The following MGMT variants were observed in gnomAD, a reference collection of about 807,000 sequenced individuals.
The protein encoded by MGMT is O-6-methylguanine-DNA methyltransferase.
Under a neutral mutation model 15.9 loss-of-function variants are expected in MGMT, and 14 were observed. The ratio of observed to expected loss-of-function variants is 0.88; its 90% CI spans 0.58 to 1.37. The LOEUF is 1.37. MGMT is among the 40% of genes most tolerant of loss of function. The pLI, the probability that MGMT is intolerant of heterozygous loss-of-function variation, is 0.00. For synonymous variants in MGMT, 130 were observed against 118.2 expected (o/e 1.10, Z -0.65); for missense variants, 282 against 268.1 (o/e 1.05, Z -0.36).
intron 2 of MGMT, among the ~76,000 whole-genome samples, chr10:129,551,697 T>C (rs1846158833): frequency 6.6e-6 from 1 of 152,178 alleles, no homozygotes; most frequent in South Asian, 2.1e-4. Context: ...TACTCTCTTA[T>C]TTATTTATTT....
intron 2 of MGMT, among the ~76,000 whole-genome samples, chr10:129,621,335 A>G (rs375224997): frequency 5.9e-5 from 9 of 152,234 alleles, no homozygotes; most frequent in African/African-American, 1.9e-4. Flanking sequence ...TTACTTCTAC[A>G]TGTTATAGAC....
chr10:129,536,567 G>T (rs1845987561), intron 2 of MGMT, 190 bp downstream of exon 2: 2 of 628,678 alleles, frequency 3.2e-6, no homozygotes, highest in Admixed American at 3.4e-5. Flanking sequence ...CCTGTGTGTT[G>T]CCCAGGAGCT....
intron 2 of MGMT, among the ~76,000 whole-genome samples, chr10:129,601,046 A>G (rs892919790): frequency 6.6e-6 from 1 of 151,638 alleles, no homozygotes; most frequent in Admixed American, 6.6e-5. Context: ...AGTAGCCTCC[A>G]TATGCCTTTC....
chr10:129,602,317 T>A (rs184484070), intron 2 of MGMT, among the ~76,000 whole-genome samples: 1 of 152,136 alleles, frequency 6.6e-6, no homozygotes, highest in African/African-American at 2.4e-5. Flanking sequence ...TCCTGAAATC[T>A]CCAAGCGAGG....
chr10:129,688,261 G>GC lies in MGMT; in HGVS notation c.126-19632dup, dbSNP rs527542807. On this transcript the variant is annotated intron_variant, in intron 2 of 4. Transcript: ENST00000651593. ...TCTAGTTCTAGATCCTTGAGGAATCGCCACACTGACTTCCACAATGGTTGA... is the reference window on the plus strand; with the variant it reads ...TCTAGTTCTAGATCCTTGAGGAATCGCCCACACTGACTTCCACAATGGTTGA... Among the ~76,000 whole-genome samples the GC allele has an allele frequency of 4.2e-3, 636 of 152,276 alleles. 6 individuals carry two copies. Among genetic ancestry groups the GC allele is most frequent in the African/African-American group, 0.015 (618 of 41,554 alleles).
At chr10:129,589,902 C>G (rs1003008510) in intron 2 of MGMT, among the ~76,000 whole-genome samples, 1 of 152,320 alleles carries the variant, frequency 6.6e-6, no homozygotes, top group Admixed American at 6.5e-5. Context: ...AGGCAGAGGA[C>G]GTGGGATCTG....
intron 3 of MGMT, chr10:129,715,507 A>T (rs561138816): frequency 1.3e-5 from 2 of 152,210 alleles, no homozygotes; most frequent in East Asian, 3.8e-4. Context: ...CTAAATTTCT[A>T]TTTCCACTGT....
chr10:129,503,121 T>TA (rs1554904220), intron 1 of MGMT, among the ~76,000 whole-genome samples: 11 of 151,828 alleles, frequency 7.2e-5, no homozygotes, highest in Non-Finnish European at 1.0e-4. Context: ...TTTTTTTTAT[T>TA]ATTATCCTCC....
At chr10:129,697,755 C>T (rs546013924) in intron 2 of MGMT, among the ~76,000 whole-genome samples, 1 of 152,318 alleles carries the variant, frequency 6.6e-6, no homozygotes, top group African/African-American at 2.4e-5. Flanking sequence ...CTTCTGGAGT[C>T]AGCCACCTTG....
At chr10:129,655,465 G>A (rs530574147) in intron 2 of MGMT, among the ~76,000 whole-genome samples, 2 of 152,144 alleles carry the variant, frequency 1.3e-5, no homozygotes, top group Non-Finnish European at 2.9e-5. Flanking sequence ...GCCTCATCCC[G>A]GAAGCTGGTG....
rs963468639 is a variant in MGMT at position 129,566,689 on chromosome 10, C to T, written c.125+30312C>T. The stretch of plus-strand genomic sequence containing the variant: ...TTGGCTGGATCTCGTTGAAGGCCTG[C>T]GGAGATTCAGGTGCCATAGGGAGGG... On this transcript the variant is annotated intron_variant, in intron 2 of 4. Coordinates refer to ENST00000651593, the MANE Select transcript of MGMT (RefSeq NM_002412.5). This position sits in a 1 kb window ranked among gnomAD's most constrained non-coding sequence, Gnocchi z 4.1. 2.0e-5 allele frequency among the ~76,000 whole-genome samples: 3 copies of T among 152,148 alleles called. No homozygotes were observed. The highest frequency in any genetic ancestry group is 2.4e-5 in the African/African-American group (1 of 41,506).
intron 1 of MGMT, among the ~76,000 whole-genome samples, chr10:129,508,968 T>G (rs980374388): frequency 9.9e-5 from 15 of 152,000 alleles, no homozygotes; most frequent in African/African-American, 3.4e-4. Flanking sequence ...GCTAATTACT[T>G]ATTTGAAAGA....
At chr10:129,525,354 AT>A (rs1398138331) in intron 1 of MGMT, among the ~76,000 whole-genome samples, 1 of 152,194 alleles carries the variant, frequency 6.6e-6, no homozygotes, top group Non-Finnish European at 1.5e-5. Context: ...AAAATGGGTG[AT>A]TTAAAGACCA....
At chr10:129,677,705 G>T (rs1315170390) in intron 2 of MGMT, among the ~76,000 whole-genome samples, 1 of 152,246 alleles carries the variant, frequency 6.6e-6, no homozygotes, top group Non-Finnish European at 1.5e-5. Flanking sequence ...TGCTCTGTCT[G>T]CTGGGAGGAG....
intron 2 of MGMT, among the ~76,000 whole-genome samples, chr10:129,540,276 T>A (rs2119767293): frequency 6.6e-6 from 1 of 152,350 alleles, no homozygotes; most frequent in East Asian, 1.9e-4. Context: ...TTTCCAGGGT[T>A]GTTTTGAGAT....
intron 2 of MGMT, among the ~76,000 whole-genome samples, chr10:129,663,374 C>T (rs886520030): frequency 6.6e-6 from 1 of 151,510 alleles, no homozygotes; most frequent in African/African-American, 2.4e-5. Context: ...ACTGTAGACA[C>T]CTATATCAGT....
chr10:129,675,643 CCGTGAG>C (rs1426832023), intron 2 of MGMT, among the ~76,000 whole-genome samples: 1 of 152,066 alleles, frequency 6.6e-6, no homozygotes. Context: ...TGGGTCGGAT[CCGTGAG>C]CATGCAGGCA....
At chr10:129,750,365 A>G (rs779385312) in intron 3 of MGMT, among the ~76,000 whole-genome samples, 2 of 152,126 alleles carry the variant, frequency 1.3e-5, no homozygotes, top group East Asian at 1.9e-4. Flanking sequence ...TTAAAAGACT[A>G]TGCTTTCTCC....
chr10:129,760,284 C>T (rs1008992039), intron 4 of MGMT, among the ~76,000 whole-genome samples: 4 of 152,222 alleles, frequency 2.6e-5, no homozygotes, highest in South Asian at 4.1e-4. Context: ...GCCCCGTCTG[C>T]GTGGCCCATT....
Sources: allele counts gnomAD v4.1 joint callset (sites outside exome capture counted in the v4.1 genomes callset), GRCh38; gene constraint gnomAD v4.1.1; non-coding constraint Gnocchi (gnomAD v3.1); transcripts MANE v1.5; gene names NCBI Gene and HGNC (gene_info 2026-07-23, HGNC 2026-07-21).